Variants in SIGLEC9 observed in about 807,000 individuals in gnomAD.
SIGLEC9 encodes the protein sialic acid-binding Ig-like lectin 9.
SIGLEC9 carries 26 observed loss-of-function variants against 38.3 expected under a neutral mutation model. The ratio of observed to expected loss-of-function variants is 0.68; its 90% CI spans 0.50 to 0.94. The LOEUF (loss-of-function observed/expected upper bound fraction) is 0.94, where lower values mean the gene tolerates loss of function less well. SIGLEC9 is among the 40% of genes least tolerant of loss of function. The probability of loss-of-function intolerance (pLI) is 0.00; values close to 1 mark genes in which losing one functional copy is unlikely to be tolerated. For missense variants in SIGLEC9, 556 were observed against 585.7 expected (o/e 0.95, Z 0.52); for synonymous variants, 236 against 248.0 (o/e 0.95, Z 0.45).
At chr19:51,128,240 T>C (rs2091991659) in intron 5 of SIGLEC9, among the ~76,000 whole-genome samples, 174 bp from the exon 6 acceptor site, 1 of 152,168 alleles carries the variant, frequency 6.6e-6, no homozygotes. Context: ...TGGTACCCAC[T>C]GTCCAGGAGA....
At chr19:51,131,028 C>T (rs1428941154), downstream of SIGLEC9, among the ~76,000 whole-genome samples, 1 of 152,116 alleles carries the variant, frequency 6.6e-6, no homozygotes, top group Non-Finnish European at 1.5e-5. Flanking sequence ...CTCATGATCT[C>T]CCTCCTCTAA....
upstream of SIGLEC9, among the ~76,000 whole-genome samples, chr19:51,123,682 G>A (rs144406202): frequency 6.6e-6 from 1 of 152,268 alleles, no homozygotes; most frequent in African/African-American, 2.4e-5. Flanking sequence ...GAGGTGTTGC[G>A]GCATCCCCAG....
At chr19:51,129,374 T>C (rs1018326449) in intron 6 of SIGLEC9, among the ~76,000 whole-genome samples, 1 of 151,922 alleles carries the variant, frequency 6.6e-6, no homozygotes, top group Non-Finnish European at 1.5e-5. Flanking sequence ...TTAGCCAGGA[T>C]GGTCTCAGTC....
chr19:51,134,449 G>A (rs911645109), downstream of SIGLEC9, among the ~76,000 whole-genome samples: 7 of 152,284 alleles, frequency 4.6e-5, no homozygotes, highest in Admixed American at 1.3e-4. Flanking sequence ...GAGCCACTGC[G>A]CCCAGCCAGT....
Position 51,129,972 on chromosome 19 carries a change from G to A in SIGLEC9, c.1285G>A (p.Gly429Arg). Reference sequence around the variant, plus strand: ...TTCTGCCCGCTCCTCAGTGGGGGAAGGAGAGCTCCAGTATGCATCCCTCAG... The same window carrying A: ...TTCTGCCCGCTCCTCAGTGGGGGAAAGAGAGCTCCAGTATGCATCCCTCAG... ...PASARSSVGE[G>R]ELQYASLSFQ... Residue 429 changes from glycine (G) to arginine (R), a missense_variant, in exon 7 of 7, where the codon GGA becomes AGA. Physicochemically the swap from Gly to Arg is moderately radical, Grantham distance 125. Transcript: ENST00000250360. The A allele has an allele frequency of 6.2e-7, 1 of 1,614,086 alleles. No individual in the cohort carries two copies. The highest frequency in any genetic ancestry group is 1.7e-5 in the Admixed American group (1 of 60,016).
chr19:51,123,943 G>A (rs1054415537), upstream of SIGLEC9, among the ~76,000 whole-genome samples: 1 of 152,122 alleles, frequency 6.6e-6, no homozygotes, highest in Non-Finnish European at 1.5e-5. Flanking sequence ...CGCGGAGGGT[G>A]CATGCCCCGG....
Position 51,125,813 on chromosome 19 carries a change from G to A in SIGLEC9, c.638G>A (p.Cys213Tyr). 1.2e-6 allele frequency: 2 copies of A among 1,614,178 alleles called. No homozygotes were observed. The highest frequency in any genetic ancestry group is 1.1e-5 in the South Asian group (1 of 91,088). The stretch of plus-strand genomic sequence containing the variant: ...CAGGACCATGGCACCAGCCTCACCT[G>A]TCAGGTGACCTTCCCTGGGGCCAGC... ...QPQDHGTSLT[C>Y]QVTFPGASVT... The change falls in exon 2 of 7, where the codon TGT becomes TAT. Residue 213 changes from cysteine (C) to tyrosine (Y), a missense_variant. Cys to Tyr is a radical substitution (Grantham distance 194). Coordinates refer to ENST00000250360, the MANE Select transcript of SIGLEC9 (RefSeq NM_014441.3).
downstream of SIGLEC9, among the ~76,000 whole-genome samples, chr19:51,135,204 G>T (rs58748026): frequency 1.5e-3 from 224 of 152,316 alleles, 4 homozygotes; most frequent in African/African-American, 5.2e-3. Context: ...TTTCTGTGGT[G>T]TCATGTAACA....
intron 6 of SIGLEC9, among the ~76,000 whole-genome samples, chr19:51,129,351 G>A (rs1038261149): frequency 2.0e-4 from 30 of 151,672 alleles, no homozygotes; most frequent in Admixed American, 6.6e-5. Context: ...AGTAGAGACG[G>A]GGTTTCACTG....
chr19:51,133,323 A>G (rs2122860876), downstream of SIGLEC9, among the ~76,000 whole-genome samples: 1 of 152,090 alleles, frequency 6.6e-6, no homozygotes, highest in Middle Eastern at 3.4e-3. Flanking sequence ...CTGTAATCCC[A>G]GCACTTTGGG....
the SIGLEC9 span, among the ~76,000 whole-genome samples, chr19:51,119,826 C>T: frequency 6.6e-6 from 1 of 152,202 alleles, no homozygotes; most frequent in Admixed American, 6.5e-5. Context: ...GTGCCTGGTG[C>T]TCATGGCTCA....
At chr19:51,121,946 G>A (rs1478747896), upstream of SIGLEC9, among the ~76,000 whole-genome samples, 1 of 150,378 alleles carries the variant, frequency 6.6e-6, no homozygotes, top group Non-Finnish European at 1.5e-5. Context: ...TTCCCTTCAT[G>A]CTGTGCCCCT....
At position 51,127,076 on chromosome 19, in the gene SIGLEC9, C is replaced by T; in HGVS notation, c.795C>T (p.Gly265=). Residue 265 remains glycine, a synonymous_variant, in exon 4 of 7, where the codon GGC becomes GGT. Coordinates refer to ENST00000250360, the MANE Select transcript of SIGLEC9 (RefSeq NM_014441.3). ...GNGSSLSLPE[G]QSLRLVCAVD... is the part of the protein sequence containing the mutation. ...GCTCATCTCTGTCACTCCCAGAGGG[C>T]CAGTCTCTGCGCCTGGTCTGTGCAG... 1 of 1,614,116 alleles carries T rather than the reference C, an allele frequency of 6.2e-7. No homozygotes were observed. The highest frequency in any genetic ancestry group is 8.5e-7 in the Non-Finnish European group (1 of 1,179,924).
Position 51,127,196 on chromosome 19 carries a change from G to A in SIGLEC9, c.915G>A (p.Leu305=), listed in dbSNP as rs887149433. 2.4e-5 allele frequency: 38 copies of A among 1,614,232 alleles called. No individual in the cohort carries two copies. The highest frequency in any genetic ancestry group is 3.1e-5 in the Non-Finnish European group (37 of 1,180,034). Residue 305 remains leucine, a synonymous_variant, in exon 4 of 7, where the codon CTG becomes CTA. Transcript: ENST00000250360. The stretch of plus-strand genomic sequence containing the variant: ...CACAGCCCTCAAACCCGGGGGTGCT[G>A]GAGCTGCCTTGGGTGCACCTGAGGG... The part of the protein sequence containing the change: ...CPSQPSNPGV[L]ELPWVHLRDA...
chr19:51,130,021 A>T lies in SIGLEC9; in HGVS notation c.1334A>T (p.Asp445Val). The T allele has an allele frequency of 6.2e-7, 1 of 1,613,714 alleles. No homozygotes were observed. Among genetic ancestry groups the T allele is most frequent in the Non-Finnish European group, 8.5e-7 (1 of 1,179,890 alleles). ...AGCTTCCAGATGGTGAAGCCTTGGG[A>T]CTCGCGGGGACAGGAGGCCACTGAC... ...SLSFQMVKPW[D>V]SRGQEATDTE... is the part of the protein sequence containing the mutation. Residue 445 changes from aspartate to valine, a missense_variant, in exon 7 of 7, where the codon GAC becomes GTC. Coordinates refer to ENST00000250360, the MANE Select transcript of SIGLEC9 (RefSeq NM_014441.3).
At chr19:51,131,915 CAAAAAAA>C (rs534454904), downstream of SIGLEC9, among the ~76,000 whole-genome samples, 3 of 117,434 alleles carry the variant, frequency 2.6e-5, no homozygotes, top group Non-Finnish European at 3.8e-5. Context: ...GAGTCTGTGT[CAAAAAAA>C]AAAAAAAAAA....
downstream of SIGLEC9, among the ~76,000 whole-genome samples, chr19:51,132,661 A>T (rs1366661191): frequency 6.6e-6 from 1 of 152,238 alleles, no homozygotes; most frequent in Non-Finnish European, 1.5e-5. Flanking sequence ...CATCCCGCTC[A>T]GCTGGAATTG....
downstream of SIGLEC9, among the ~76,000 whole-genome samples, chr19:51,135,107 TA>T (rs1165726706): frequency 1.4e-4 from 22 of 152,212 alleles, no homozygotes; most frequent in Admixed American, 1.4e-3. Flanking sequence ...ATCCTGTCAT[TA>T]TGTTGTTAGC....
Position 51,127,178 on chromosome 19 carries a change from C to G in SIGLEC9, c.897C>G (p.Pro299=). 6.2e-7 allele frequency: 1 copy of G among 1,614,274 alleles called. No homozygotes were observed. Residue 299 remains proline (P), a synonymous_variant, in exon 4 of 7, where the codon CCC becomes CCG. Coordinates refer to ENST00000250360, the MANE Select transcript of SIGLEC9 (RefSeq NM_014441.3). ...GCCTGACCCTGTGCCCCTCACAGCCCTCAAACCCGGGGGTGCTGGAGCTGC... is the reference window on the plus strand; with the variant it reads ...GCCTGACCCTGTGCCCCTCACAGCCGTCAAACCCGGGGGTGCTGGAGCTGC... The part of the protein sequence containing the change: ...WRGLTLCPSQ[P]SNPGVLELPW...
Sources: gnomAD v4.1 joint callset for allele counts (sites outside exome capture counted in the v4.1 genomes callset) on GRCh38, gnomAD v4.1.1 for gene constraint, MANE v1.5 for transcripts, NCBI Gene and HGNC (gene_info 2026-07-23, HGNC 2026-07-21) for gene names.